Variants in EPB41L4A observed in about 807,000 individuals in gnomAD.
The protein encoded by EPB41L4A is erythrocyte membrane protein band 4.1 like 4A, also known as band 4.1-like protein 4A.
Under a neutral mutation model 108.6 loss-of-function variants are expected in EPB41L4A, and 100 were observed. The ratio of observed to expected loss-of-function variants is 0.92; its 90% confidence interval spans 0.78 to 1.09. The LOEUF is 1.09. Among genes scored for constraint, EPB41L4A ranks in the 50% least tolerant of loss-of-function variants. The pLI is 0.00. For missense variants in EPB41L4A, 1,030 were observed against 842.7 expected, an observed-to-expected ratio of 1.22 and a Z score of -2.75; for synonymous variants, 319 against 289.0, an observed-to-expected ratio of 1.10 and a Z score of -1.05.
intron 12 of EPB41L4A, among the ~76,000 whole-genome samples, chr5:112,230,667 G>A (rs76135410): frequency 0.085 from 12,950 of 151,598 alleles, 611 homozygotes; most frequent in East Asian, 0.17. Flanking sequence ...TTTTCTCCCA[G>A]TCTGTGGGTT....
intron 1 of EPB41L4A, among the ~76,000 whole-genome samples, chr5:112,395,148 G>A (rs909885162): frequency 3.9e-5 from 6 of 152,156 alleles, no homozygotes; most frequent in African/African-American, 1.4e-4. Context: ...AACCCTAGAA[G>A]AAAACCTAGG....
At chr5:112,223,994 C>G (rs1748268402) in intron 12 of EPB41L4A, among the ~76,000 whole-genome samples, 1 of 152,194 alleles carries the variant, frequency 6.6e-6, no homozygotes, top group South Asian at 2.1e-4. Flanking sequence ...CTCTGTCACC[C>G]ATACTGGAGT....
intron 15 of EPB41L4A, 57 bp downstream of exon 15, chr5:112,204,318 C>T: frequency 8.5e-7 from 1 of 1,176,178 alleles, no homozygotes; most frequent in Non-Finnish European, 1.3e-6. Flanking sequence ...TAAAGTCAGG[C>T]CTGGGACAAA....
At chr5:112,303,279 A>G (rs1470251718) in intron 2 of EPB41L4A, among the ~76,000 whole-genome samples, 1 of 152,184 alleles carries the variant, frequency 6.6e-6, no homozygotes, top group African/African-American at 2.4e-5. Context: ...GACACACTTA[A>G]GCATGCCTGC....
At chr5:112,236,661 C>A (rs1046992814) in intron 11 of EPB41L4A, among the ~76,000 whole-genome samples, 4 of 152,216 alleles carry the variant, frequency 2.6e-5, no homozygotes, top group African/African-American at 9.6e-5. Flanking sequence ...CACTTCCCTG[C>A]TGCCTCTGGC....
intron 10 of EPB41L4A, 96 bp downstream of exon 10, chr5:112,240,623 A>C: frequency 1.5e-6 from 1 of 668,384 alleles, no homozygotes; most frequent in Non-Finnish European, 2.5e-6. Flanking sequence ...AAAGGGAAAC[A>C]ATTCCAAATT....
chr5:112,373,278 C>T lies in EPB41L4A; in HGVS notation c.99+45663G>A, dbSNP rs111778746. 6.4e-3 allele frequency among the ~76,000 whole-genome samples: 969 copies of T among 152,228 alleles called. 14 individuals carry two copies. The highest frequency in any genetic ancestry group is 0.022 in the African/African-American group (920 of 41,538). ...CCAGAAGGGTTAAGAGCTGACAGAA[C>T]CGGAAGTTGCTACAATGTTCCCTTC... On this transcript the variant is annotated intron_variant, in intron 1 of 22. Transcript: ENST00000261486.
At chr5:112,233,161 T>C (rs560388363) in intron 12 of EPB41L4A, among the ~76,000 whole-genome samples, 1 of 152,298 alleles carries the variant, frequency 6.6e-6, no homozygotes, top group East Asian at 1.9e-4. Flanking sequence ...GTATATAATG[T>C]TGGCAGGAAG....
intron 1 of EPB41L4A, among the ~76,000 whole-genome samples, chr5:112,337,655 C>T (rs528807252): frequency 6.6e-6 from 1 of 152,198 alleles, no homozygotes; most frequent in South Asian, 2.1e-4. Context: ...ATACAAGGAT[C>T]CTAATTTCAA....
At chr5:112,333,077 T>A (rs1365903131) in intron 1 of EPB41L4A, among the ~76,000 whole-genome samples, 1 of 152,198 alleles carries the variant, frequency 6.6e-6, no homozygotes, top group African/African-American at 2.4e-5. Context: ...GATACTGCAA[T>A]CATTAGTAGC....
At chr5:112,145,791 C>G in intron 13 of EPB41L4A, 1 of 324,046 alleles carries the variant, frequency 3.1e-6, no homozygotes, top group Non-Finnish European at 6.1e-6. Context: ...AAGAAAAAGG[C>G]CAAGAACAAC....
chr5:112,338,300 C>T (rs1222702456), intron 1 of EPB41L4A, among the ~76,000 whole-genome samples: 1 of 152,132 alleles, frequency 6.6e-6, no homozygotes, highest in African/African-American at 2.4e-5. Flanking sequence ...CCCCTTCAAA[C>T]CTTCAAAGAA....
At chr5:112,170,851 C>T (rs760393778) in intron 19 of EPB41L4A, 94 bp downstream of exon 19, 34 of 1,095,844 alleles carry the variant, frequency 3.1e-5, no homozygotes, top group African/African-American at 1.4e-4. Flanking sequence ...GCAGGCATCA[C>T]GCTGAAGTTG....
At chr5:112,369,064 A>G (rs1021497994) in intron 1 of EPB41L4A, among the ~76,000 whole-genome samples, 3 of 152,148 alleles carry the variant, frequency 2.0e-5, no homozygotes, top group African/African-American at 7.2e-5. Context: ...TTATATTTAG[A>G]TGGCTGTTTG....
At chr5:112,210,987 C>T (rs984756432) in intron 12 of EPB41L4A, among the ~76,000 whole-genome samples, 1 of 151,956 alleles carries the variant, frequency 6.6e-6, no homozygotes, top group South Asian at 2.1e-4. Context: ...TTAATAAGCA[C>T]TAATATTTAT....
At chr5:112,147,563 G>A (rs1289021571) in intron 12 of EPB41L4A, among the ~76,000 whole-genome samples, 10 of 151,282 alleles carry the variant, frequency 6.6e-5, no homozygotes, top group Non-Finnish European at 1.3e-4. Context: ...TCACGAACCC[G>A]GGAGGCAAAG....
At chr5:112,377,186 C>T (rs1277250980) in intron 1 of EPB41L4A, among the ~76,000 whole-genome samples, 3 of 134,896 alleles carry the variant, frequency 2.2e-5, no homozygotes, top group Non-Finnish European at 3.1e-5. Flanking sequence ...GCCTGGGTGA[C>T]AGAGCAAGAT....
Position 112,168,725 on chromosome 5 carries a change from T to G in EPB41L4A, c.1932+14A>C, listed in dbSNP as rs766288959. ...ATCAATACAACACCTTCTTCAAACC[T>G]TACTATTACTAACCTGATGAACTGT... On this transcript the variant is annotated intron_variant, in intron 22 of 22. Transcript: ENST00000261486. 5 of 1,605,564 alleles carry G rather than the reference T, an allele frequency of 3.1e-6. No homozygotes were observed. In the East Asian group the frequency reaches 6.7e-5, roughly 21 times the overall value.
intron 12 of EPB41L4A, among the ~76,000 whole-genome samples, chr5:112,226,322 A>G (rs1748449064): frequency 6.6e-6 from 1 of 152,126 alleles, no homozygotes; most frequent in African/African-American, 2.4e-5. Flanking sequence ...GAGATTGGGG[A>G]CTTGCTTTTG....
Sources: allele counts gnomAD v4.1 joint callset (sites outside exome capture counted in the v4.1 genomes callset), GRCh38; gene constraint gnomAD v4.1.1; transcripts MANE v1.5; gene names NCBI Gene and HGNC (gene_info 2026-07-23, HGNC 2026-07-21).